PRDM5: variants seen among roughly 807,000 people sequenced by gnomAD.
PRDM5 encodes the protein PR domain zinc finger protein 5.
PRDM5 carries 56 observed loss-of-function variants against 81.2 expected under a neutral mutation model. The observed-to-expected ratio is 0.69, with a 90% CI of 0.56 to 0.86. The LOEUF is 0.86. PRDM5 is among the 40% of genes least tolerant of loss of function. PRDM5 has a pLI of 0.00. For synonymous variants in PRDM5, 267 were observed against 256.4 expected (o/e 1.04, Z -0.39); for missense variants, 697 against 770.1 (o/e 0.91, Z 1.12).
chr4:120,736,488 C>A (rs989399626), intron 14 of PRDM5, among the ~76,000 whole-genome samples: 1 of 152,124 alleles, frequency 6.6e-6, no homozygotes, highest in Non-Finnish European at 1.5e-5. Context: ...AAAATGCCAA[C>A]ACTCTGAGAT....
chr4:120,817,749 TTAAA>T (rs1201463986), intron 5 of PRDM5, among the ~76,000 whole-genome samples: 2 of 152,174 alleles, frequency 1.3e-5, no homozygotes, highest in Non-Finnish European at 2.9e-5. Context: ...TGTAAAATAT[TTAAA>T]TAAAGATAAT....
intron 7 of PRDM5, chr4:120,815,950 T>C (rs954367739): frequency 5.3e-6 from 1 of 187,740 alleles, no homozygotes. Flanking sequence ...AGCTATCAGA[T>C]GGAATTCAAA....
intron 13 of PRDM5, among the ~76,000 whole-genome samples, chr4:120,772,066 G>A (rs1747373196): frequency 6.6e-6 from 1 of 152,104 alleles, no homozygotes; most frequent in Non-Finnish European, 1.5e-5. Flanking sequence ...TTGAACTCAA[G>A]CCAGCTGTCC....
Position 120,808,599 on chromosome 4 carries a change from G to A in PRDM5, c.945+2771C>T, listed in dbSNP as rs11937920. On this transcript the variant is annotated intron_variant, in intron 8 of 15. Coordinates refer to ENST00000264808, the MANE Select transcript of PRDM5 (RefSeq NM_018699.4). ...AGGTGGAGCTGCCTGCCAGTCCCGC[G>A]CTGTGTGCCCACACTCCTCAGCCCT... is the stretch of plus-strand genomic sequence containing the variant. Among the ~76,000 whole-genome samples the A allele has an allele frequency of 8.7e-3, 1,332 of 152,244 alleles. 23 individuals carry two copies. The highest frequency in any genetic ancestry group is 0.03 in the African/African-American group (1,253 of 41,546).
chr4:120,911,400 C>G (rs901082090), intron 1 of PRDM5, among the ~76,000 whole-genome samples: 4 of 152,204 alleles, frequency 2.6e-5, no homozygotes, highest in South Asian at 2.1e-4. Context: ...CTGAGTCAAA[C>G]TCACTTCTCA....
intron 1 of PRDM5, among the ~76,000 whole-genome samples, chr4:120,916,135 T>C (rs532853742): frequency 2.0e-5 from 3 of 152,276 alleles, no homozygotes; most frequent in African/African-American, 7.2e-5. Context: ...ATGCCTGTAA[T>C]CCCAGCACTT....
In PRDM5 at chr4:120,734,421, T is replaced by TACACACACACACAC. The variant is rs149559268; in HGVS notation, c.1623+20118_1623+20131dup. 1.6e-3 allele frequency among the ~76,000 whole-genome samples: 223 copies of TACACACACACACAC among 138,166 alleles called. 3 individuals are homozygous for TACACACACACACAC. Among genetic ancestry groups the TACACACACACACAC allele is most frequent in the African/African-American group, 5.7e-3 (210 of 36,688 alleles). The allele number at this position is 138,166 out of a possible 152,430, so 90.6% of individuals were successfully genotyped here. ...ACACACACACACACACACACACAAA[T>TACACACACACACAC]ACACACACACACACACACACACACA... On this transcript the variant is annotated intron_variant, in intron 14 of 15. Coordinates refer to ENST00000264808, the MANE Select transcript of PRDM5 (RefSeq NM_018699.4).
At chr4:120,805,473 T>G (rs1578806425) in intron 8 of PRDM5, among the ~76,000 whole-genome samples, 1 of 152,224 alleles carries the variant, frequency 6.6e-6, no homozygotes, top group Non-Finnish European at 1.5e-5. Flanking sequence ...GCAAATCAAA[T>G]CCAGCAGCAC....
chr4:120,861,129 T>C (rs991327673), intron 2 of PRDM5, among the ~76,000 whole-genome samples: 1 of 152,166 alleles, frequency 6.6e-6, no homozygotes, highest in African/African-American at 2.4e-5. Flanking sequence ...AGCCTCAGCC[T>C]CCCGAGTAGC....
At chr4:120,829,896 C>A (rs1421332043) in intron 3 of PRDM5, among the ~76,000 whole-genome samples, 1 of 151,808 alleles carries the variant, frequency 6.6e-6, no homozygotes, top group Non-Finnish European at 1.5e-5. Context: ...ATCCAATAAT[C>A]AATAGAAATA....
chr4:120,812,205 G>A (rs1753941418), intron 7 of PRDM5, among the ~76,000 whole-genome samples: 1 of 152,132 alleles, frequency 6.6e-6, no homozygotes, highest in South Asian at 2.1e-4. Context: ...CACTTAGGTT[G>A]ATTCCAAATA....
intron 14 of PRDM5, among the ~76,000 whole-genome samples, chr4:120,744,699 T>C (rs1742700288): frequency 6.6e-6 from 1 of 151,490 alleles, no homozygotes; most frequent in Non-Finnish European, 1.5e-5. Flanking sequence ...GATAAATTCC[T>C]TGACACATAC....
At chr4:120,788,683 T>C (rs1750119496) in intron 10 of PRDM5, among the ~76,000 whole-genome samples, 1 of 152,208 alleles carries the variant, frequency 6.6e-6, no homozygotes, top group African/African-American at 2.4e-5. Context: ...TGAAAGAACC[T>C]GGGACAGCAT....
In PRDM5 at chr4:120,842,677, A is replaced by G. The variant is rs1223810576; in HGVS notation, c.300+10741T>C. On this transcript the variant is annotated intron_variant, in intron 3 of 15. Transcript: ENST00000264808. ...AATTAACTATTTTTAAAATGTTTTA[A>G]ATTTTAAAATTTTTAAATTAAACAC... 2.0e-5 allele frequency among the ~76,000 whole-genome samples: 3 copies of G among 152,228 alleles called. No individual in the cohort carries two copies. In the East Asian group the frequency reaches 5.8e-4, roughly 29 times the overall value.
chr4:120,812,018 C>T (rs1055209906), intron 7 of PRDM5, among the ~76,000 whole-genome samples: 1 of 151,808 alleles, frequency 6.6e-6, no homozygotes, highest in Non-Finnish European at 1.5e-5. Flanking sequence ...TTTTATTCAC[C>T]CCCTCCCCGC....
intron 13 of PRDM5, among the ~76,000 whole-genome samples, chr4:120,758,172 C>G (rs1474343464): frequency 2.0e-5 from 3 of 152,136 alleles, no homozygotes; most frequent in Non-Finnish European, 4.4e-5. Flanking sequence ...ACTTCTTGGC[C>G]TCCATAACTG....
chr4:120,806,909 G>C (rs944855490), intron 8 of PRDM5, among the ~76,000 whole-genome samples: 7 of 152,098 alleles, frequency 4.6e-5, no homozygotes, highest in African/African-American at 1.7e-4. Flanking sequence ...AGAGCGAACA[G>C]GCAACCTACA....
chr4:120,839,334 C>G, intron 3 of PRDM5: 1 of 702,370 alleles, frequency 1.4e-6, no homozygotes, highest in East Asian at 2.7e-5. Flanking sequence ...TGAAGAGGAA[C>G]TTCATTGAGC....
chr4:120,764,697 T>C (rs2149189352), intron 13 of PRDM5, among the ~76,000 whole-genome samples: 1 of 152,266 alleles, frequency 6.6e-6, no homozygotes, highest in Admixed American at 6.5e-5. Context: ...TTCAAGACTT[T>C]GCTTATAAGA....
Sources: gnomAD v4.1 joint callset for allele counts (sites outside exome capture counted in the v4.1 genomes callset) on GRCh38, gnomAD v4.1.1 for gene constraint, MANE v1.5 for transcripts, NCBI Gene and HGNC (gene_info 2026-07-23, HGNC 2026-07-21) for gene names.